Variants in TESC observed in about 807,000 individuals in gnomAD.
The protein encoded by TESC is tescalcin.
Under a neutral mutation model 31.0 loss-of-function variants are expected in TESC, and 19 were observed. The ratio of observed to expected loss-of-function variants is 0.61; its 90% CI spans 0.43 to 0.90. TESC has a LOEUF of 0.90. Among genes scored for constraint, TESC ranks in the 40% least tolerant of loss-of-function variants. The pLI is 0.00. For missense variants in TESC, 248 were observed against 303.8 expected (o/e 0.82, Z 1.36); for synonymous variants, 109 against 114.8 (o/e 0.95, Z 0.32).
Position 117,039,174 on chromosome 12 carries a change from C to G in TESC, c.604G>C (p.Val202Leu). The change falls in exon 8 of 8, where the codon GTC becomes CTC. Residue 202 changes from valine (V) to leucine (L), a missense_variant. By Grantham distance (32) the Val-to-Leu change is conservative (BLOSUM62 1). Coordinates refer to ENST00000335209, the MANE Select transcript of TESC (RefSeq NM_017899.4). ...QGIDIETKMH[V>L]RFLNMETMAL... is the part of the protein sequence containing the mutation. ...ATGGTTTCCATGTTAAGGAAGCGGA[C>G]GTGCATCTTGGTCTCAATGTCGATC... The G allele has an allele frequency of 6.2e-7, 1 of 1,614,124 alleles. No homozygotes were observed. Among genetic ancestry groups the G allele is most frequent in the South Asian group, 1.1e-5 (1 of 91,056 alleles).
At position 117,056,808 on chromosome 12, in the gene TESC, G is replaced by A. The variant is rs769031004; in HGVS notation, c.207C>T (p.Asn69=). The change falls in exon 3 of 8, where the codon AAC becomes AAT. Residue 69 remains asparagine (N), a splice_region_variant and synonymous_variant. Transcript: ENST00000335209. ...RSKIVRAFFD[N]RNLRKGPSGL... ...CTGGTTCAGGGGAAAACGCCCACCTGTTGTCGAAGAAGGCACGAACAATTT... is the reference window on the plus strand; with the variant it reads ...CTGGTTCAGGGGAAAACGCCCACCTATTGTCGAAGAAGGCACGAACAATTT... 5 of 1,614,134 alleles carry A rather than the reference G, an allele frequency of 3.1e-6. No homozygotes were observed. The highest frequency in any genetic ancestry group is 4.2e-6 in the Non-Finnish European group (5 of 1,179,994).
At chr12:117,060,430 CG>C (rs1358647205) in intron 2 of TESC, among the ~76,000 whole-genome samples, 2 of 152,154 alleles carry the variant, frequency 1.3e-5, no homozygotes, top group Non-Finnish European at 2.9e-5. Context: ...CCTCACTGCT[CG>C]GAGACAGCTC....
In TESC at chr12:117,056,841, G is replaced by A; in HGVS notation, c.174C>T (p.Ile58=). The part of the protein sequence containing the change: ...NNVPDLELNP[I]RSKIVRAFFD... Reference sequence around the variant, plus strand: ...AGAAGGCACGAACAATTTTGGATCGGATGGGGTTGAGCTCCAGGTCCGGGA... The same window carrying A: ...AGAAGGCACGAACAATTTTGGATCGAATGGGGTTGAGCTCCAGGTCCGGGA... Residue 58 remains isoleucine, a synonymous_variant, in exon 3 of 8, where the codon ATC becomes ATT. Transcript: ENST00000335209. 2 of 1,614,176 alleles carry A rather than the reference G, an allele frequency of 1.2e-6. No homozygotes were observed. Among genetic ancestry groups the A allele is most frequent in the Non-Finnish European group, 1.7e-6 (2 of 1,180,032 alleles).
intron 6 of TESC, among the ~76,000 whole-genome samples, chr12:117,045,165 A>C (rs907328922): frequency 6.6e-6 from 1 of 152,188 alleles, no homozygotes; most frequent in African/African-American, 2.4e-5. Context: ...CCCATGAGTG[A>C]AGAAAGAGGT....
intron 1 of TESC, among the ~76,000 whole-genome samples, chr12:117,081,743 A>C (rs1465285879): frequency 6.6e-6 from 1 of 151,964 alleles, no homozygotes; most frequent in Non-Finnish European, 1.5e-5. Flanking sequence ...ATCTCTACTA[A>C]AAATACAAAA....
chr12:117,051,469 C>T (rs1954646728), intron 3 of TESC, among the ~76,000 whole-genome samples: 2 of 152,288 alleles, frequency 1.3e-5, no homozygotes, highest in East Asian at 1.9e-4. Context: ...TCACAGGTCT[C>T]TCTTCTCTCT....
intron 1 of TESC, among the ~76,000 whole-genome samples, chr12:117,075,911 ATATGTGTGTGTG>A (rs1476045209): frequency 1.7e-5 from 1 of 59,082 alleles, no homozygotes; most frequent in Non-Finnish European, 2.8e-5. Flanking sequence ...ATATATATAT[ATATGTGTGTGTG>A]TATATATATA....
At chr12:117,064,784 G>A (rs777339855) in intron 2 of TESC, among the ~76,000 whole-genome samples, 6 of 152,204 alleles carry the variant, frequency 3.9e-5, no homozygotes, top group Non-Finnish European at 7.3e-5. Flanking sequence ...AGACCTGAAG[G>A]AGGGGAGGTT....
rs1565963223 is a variant in TESC, at chr12:117,056,847, G to C, written c.168C>G (p.Asn56Lys). ...NFNNVPDLEL[N>K]PIRSKIVRAF... is the part of the protein sequence containing the mutation. Reference sequence around the variant, plus strand: ...CACGAACAATTTTGGATCGGATGGGGTTGAGCTCCAGGTCCGGGACATTGT... The same window carrying C: ...CACGAACAATTTTGGATCGGATGGGCTTGAGCTCCAGGTCCGGGACATTGT... The change falls in exon 3 of 8, where the codon AAC becomes AAG. Residue 56 changes from asparagine (N) to lysine (K), a missense_variant. Coordinates refer to ENST00000335209, the MANE Select transcript of TESC (RefSeq NM_017899.4). 1 of 1,614,188 alleles carries C rather than the reference G, an allele frequency of 6.2e-7. No homozygotes were observed. Among genetic ancestry groups the C allele is most frequent in the African/African-American group, 1.3e-5 (1 of 75,058 alleles).
At chr12:117,080,861 CG>C in intron 1 of TESC, among the ~76,000 whole-genome samples, 2 of 152,298 alleles carry the variant, frequency 1.3e-5, no homozygotes, top group Admixed American at 1.3e-4. Flanking sequence ...CCAAAGCCCA[CG>C]GAAGGACCTG....
intron 2 of TESC, among the ~76,000 whole-genome samples, chr12:117,060,488 G>C (rs1238132132): frequency 6.6e-6 from 1 of 152,106 alleles, no homozygotes; most frequent in African/African-American, 2.4e-5. Flanking sequence ...CCACAGGAGG[G>C]GACAGAATAG....
chr12:117,085,465 C>G (rs1210658097), intron 1 of TESC, among the ~76,000 whole-genome samples: 1 of 152,146 alleles, frequency 6.6e-6, no homozygotes, highest in Non-Finnish European at 1.5e-5. Flanking sequence ...CTGGAAGAAG[C>G]AAGCACAGCT....
intron 2 of TESC, among the ~76,000 whole-genome samples, chr12:117,063,297 T>G (rs1392285457): frequency 6.6e-6 from 1 of 152,032 alleles, no homozygotes; most frequent in African/African-American, 2.4e-5. Context: ...AGTTGCGCAT[T>G]TTTACGTTAA....
chr12:117,050,529 G>GT (rs1954633813), intron 3 of TESC, among the ~76,000 whole-genome samples: 1 of 152,248 alleles, frequency 6.6e-6, no homozygotes, highest in Admixed American at 6.5e-5. Context: ...AAGGGCTGGT[G>GT]TTCTGGGGGA....
At chr12:117,064,766 T>A (rs1187514261) in intron 2 of TESC, among the ~76,000 whole-genome samples, 1 of 152,038 alleles carries the variant, frequency 6.6e-6, no homozygotes, top group Non-Finnish European at 1.5e-5. Context: ...AAAGTGACAT[T>A]TGAGCAGAGA....
At position 117,099,354 on chromosome 12, in the gene TESC, G is replaced by A; in HGVS notation, c.-72C>T. ...GCACTGGCTTCGGCTGCGCAGCGGC[G>A]GGACTGGCCTCGGGTCCGGCCTCGG... On this transcript the variant is annotated 5_prime_UTR_variant, in exon 1 of 8. Coordinates refer to ENST00000335209, the MANE Select transcript of TESC (RefSeq NM_017899.4). The A allele has an allele frequency of 7.5e-7, 1 of 1,325,642 alleles. No individual in the cohort carries two copies. Among genetic ancestry groups the A allele is most frequent in the South Asian group, 1.8e-5 (1 of 54,944 alleles). The allele number at this position is 1,325,642 out of a possible 1,614,324, so 82.1% of individuals were successfully genotyped here.
In TESC at chr12:117,075,853, A is replaced by ATATATATATATGTG. The variant is rs1565971322; in HGVS notation, c.59-514_59-513insCACATATATATATA. 1.4e-3 allele frequency among the ~76,000 whole-genome samples: 67 copies of ATATATATATATGTG among 46,428 alleles called. 1 individual carries two copies. Among genetic ancestry groups the ATATATATATATGTG allele is most frequent in the Non-Finnish European group, 2.0e-3 (51 of 25,978 alleles). The allele number at this position is 46,428 out of a possible 152,430, so 30.5% of individuals were successfully genotyped here. ...CTAATTTTCGTGTGTGTGTGTATAT[A>ATATATATATATGTG]TATATATATATATATATGTGTGTAT... On this transcript the variant is annotated intron_variant, in intron 1 of 7. Coordinates refer to ENST00000335209, the MANE Select transcript of TESC (RefSeq NM_017899.4).
At chr12:117,088,565 C>T (rs1396469979) in intron 1 of TESC, among the ~76,000 whole-genome samples, 1 of 151,990 alleles carries the variant, frequency 6.6e-6, no homozygotes, top group South Asian at 2.1e-4. Flanking sequence ...CCTGTAATCC[C>T]AGCTACTCAG....
intron 3 of TESC, among the ~76,000 whole-genome samples, chr12:117,054,208 C>T (rs936947103): frequency 1.3e-5 from 2 of 152,066 alleles, no homozygotes; most frequent in African/African-American, 4.8e-5. Flanking sequence ...GACCCAAGCC[C>T]GGGACCATGA....
Sources: allele counts gnomAD v4.1 joint callset (sites outside exome capture counted in the v4.1 genomes callset), GRCh38; gene constraint gnomAD v4.1.1; transcripts MANE v1.5; gene names NCBI Gene and HGNC (gene_info 2026-07-23, HGNC 2026-07-21).